Variants in CHCHD3 observed in about 807,000 individuals in gnomAD.
CHCHD3 encodes the protein coiled-coil-helix-coiled-coil-helix domain containing 3.
A neutral mutation model predicts 38.2 loss-of-function variants in CHCHD3; 20 were observed. That is an observed-to-expected ratio of 0.52 (90% CI 0.37 to 0.76). The LOEUF (loss-of-function observed/expected upper bound fraction) is 0.76, where lower values mean the gene tolerates loss of function less well. CHCHD3 is among the 30% of genes least tolerant of loss of function. The pLI, the probability that CHCHD3 is intolerant of heterozygous loss-of-function variation, is 0.00. For missense variants in CHCHD3, 245 were observed against 279.2 expected, an observed-to-expected ratio of 0.88 and a Z score of 0.87; for synonymous variants, 82 against 100.0, an observed-to-expected ratio of 0.82 and a Z score of 1.07.
intron 4 of CHCHD3, among the ~76,000 whole-genome samples, chr7:132,940,178 G>A (rs1323356907): frequency 6.6e-6 from 1 of 152,130 alleles, no homozygotes; most frequent in Non-Finnish European, 1.5e-5. Context: ...AGCACTTAAG[G>A]TTGAAATACT....
intron 2 of CHCHD3, among the ~76,000 whole-genome samples, chr7:133,036,328 T>C: frequency 6.6e-6 from 1 of 152,316 alleles, no homozygotes; most frequent in Non-Finnish European, 1.5e-5. Context: ...ATTAATCTAA[T>C]AAAGCATTAT....
intron 2 of CHCHD3, among the ~76,000 whole-genome samples, chr7:133,027,620 G>A (rs1203339258): frequency 6.6e-6 from 1 of 152,136 alleles, no homozygotes; most frequent in East Asian, 1.9e-4. Context: ...TTTCTCAAAT[G>A]GGTGTTTAGG....
chr7:132,943,046 T>G (rs1244276079), intron 4 of CHCHD3, among the ~76,000 whole-genome samples: 1 of 152,146 alleles, frequency 6.6e-6, no homozygotes, highest in Non-Finnish European at 1.5e-5. Flanking sequence ...AAGATCCTAT[T>G]TTTTGTCTTA....
At chr7:132,939,653 T>C (rs560207538) in intron 4 of CHCHD3, among the ~76,000 whole-genome samples, 1 of 152,316 alleles carries the variant, frequency 6.6e-6, no homozygotes, top group South Asian at 2.1e-4. Flanking sequence ...AGTGACTCTC[T>C]AAACATTAAG....
Position 133,035,335 on chromosome 7 carries a change from T to C in CHCHD3, c.170-10708A>G. 1 of 1,611,364 alleles carries C rather than the reference T, an allele frequency of 6.2e-7. No individual in the cohort carries two copies. Among genetic ancestry groups the C allele is most frequent in the Non-Finnish European group, 8.5e-7 (1 of 1,177,512 alleles). ...AAGACAGCCCGGAACTGGGGCTGGTTAATGCAGGTGAGGAACCAGCGGTTG... is the reference window on the plus strand; with the variant it reads ...AAGACAGCCCGGAACTGGGGCTGGTCAATGCAGGTGAGGAACCAGCGGTTG... On this transcript the variant is annotated intron_variant, in intron 2 of 7. Transcript: ENST00000262570. This position sits in a 1 kb window ranked among gnomAD's most constrained non-coding sequence, Gnocchi z 4.7.
At chr7:132,820,614 T>TG (rs1281275987) in intron 6 of CHCHD3, among the ~76,000 whole-genome samples, 1 of 145,878 alleles carries the variant, frequency 6.9e-6, no homozygotes, top group African/African-American at 2.5e-5. Flanking sequence ...TGCTAGTGTT[T>TG]TTTTTTTTTT....
At chr7:133,024,369 A>T (rs1389059201) in intron 3 of CHCHD3, among the ~76,000 whole-genome samples, 177 bp downstream of exon 3, 2 of 152,224 alleles carry the variant, frequency 1.3e-5, no homozygotes, top group Non-Finnish European at 1.5e-5. Context: ...GAAGCAGGTA[A>T]CCCAAGGCTC....
chr7:132,913,005 T>C (rs1298619876), intron 4 of CHCHD3, among the ~76,000 whole-genome samples: 1 of 152,246 alleles, frequency 6.6e-6, no homozygotes, highest in Non-Finnish European at 1.5e-5. Flanking sequence ...GCAGCCCACA[T>C]GCACTGTGCC....
intron 2 of CHCHD3, among the ~76,000 whole-genome samples, chr7:133,065,144 T>C (rs1198503862): frequency 2.0e-5 from 3 of 152,170 alleles, no homozygotes; most frequent in Non-Finnish European, 4.4e-5. Context: ...ATAGTTGAGA[T>C]AACGCAGCAA....
chr7:132,984,689 G>C (rs1283724583), intron 3 of CHCHD3, among the ~76,000 whole-genome samples: 1 of 151,336 alleles, frequency 6.6e-6, no homozygotes, highest in Non-Finnish European at 1.5e-5. Flanking sequence ...CGTCTGGGAT[G>C]TGAGGAGCGT....
chr7:132,981,578 C>G (rs912461837), intron 3 of CHCHD3, among the ~76,000 whole-genome samples: 1 of 152,130 alleles, frequency 6.6e-6, no homozygotes, highest in Non-Finnish European at 1.5e-5. Flanking sequence ...TTATTACCAC[C>G]CCTTTCCCAA....
chr7:132,934,460 T>C (rs1810588671), intron 4 of CHCHD3, among the ~76,000 whole-genome samples: 1 of 152,198 alleles, frequency 6.6e-6, no homozygotes, highest in South Asian at 2.1e-4. Context: ...TTCTCTATCA[T>C]CTGACCCCAC....
intron 7 of CHCHD3, among the ~76,000 whole-genome samples, chr7:132,793,472 G>A (rs942906963): frequency 2.0e-5 from 3 of 152,184 alleles, no homozygotes; most frequent in Non-Finnish European, 4.4e-5. Context: ...GAGCACATAA[G>A]TTAATACACA....
At chr7:132,962,224 T>C (rs1811337725) in intron 4 of CHCHD3, among the ~76,000 whole-genome samples, 1 of 152,244 alleles carries the variant, frequency 6.6e-6, no homozygotes, top group African/African-American at 2.4e-5. Context: ...AAATGGACTT[T>C]TTTAATAACC....
chr7:132,972,454 CA>C, intron 4 of CHCHD3: 1 of 503,038 alleles, frequency 2.0e-6, no homozygotes, highest in Non-Finnish European at 2.6e-6. Flanking sequence ...AAAATGTTAA[CA>C]GTAACTATCT....
intron 5 of CHCHD3, among the ~76,000 whole-genome samples, chr7:132,874,421 C>A (rs527251457): frequency 6.6e-6 from 1 of 152,254 alleles, no homozygotes; most frequent in East Asian, 1.9e-4. Context: ...GTCACAGAAA[C>A]CTTGAGGCTC....
intron 4 of CHCHD3, among the ~76,000 whole-genome samples, chr7:132,895,171 A>G (rs1809462145): frequency 6.6e-6 from 1 of 152,228 alleles, no homozygotes. Context: ...TGAACAGGTT[A>G]AAGAAATCCA....
chr7:132,913,175 T>C (rs1809999247), intron 4 of CHCHD3, among the ~76,000 whole-genome samples: 1 of 152,196 alleles, frequency 6.6e-6, no homozygotes, highest in Non-Finnish European at 1.5e-5. Context: ...TTCCATTTCC[T>C]CTGCTTCAAC....
rs772593229 is a variant in CHCHD3, at chr7:132,975,205, T to C, written c.333A>G (p.Ile111Met). The C allele has an allele frequency of 1.2e-6, 2 of 1,612,496 alleles. No homozygotes were observed. The highest frequency in any genetic ancestry group is 1.7e-6 in the Non-Finnish European group (2 of 1,180,012). The change falls in exon 4 of 8, where the codon ATA becomes ATG. Residue 111 changes from isoleucine to methionine, a missense_variant. Physicochemically the swap from Ile to Met is conservative, Grantham distance 10. Coordinates refer to ENST00000262570, the MANE Select transcript of CHCHD3 (RefSeq NM_017812.4). ...QLTRAILRERICSEEERAKAK... is the reference protein window; with the variant it reads ...QLTRAILRERMCSEEERAKAK... ...CCTTAGCGCGTTCCTCCTCGCTACA[T>C]ATCCTCTCCCGAAGGATGGCTCTGG...
Sources: allele counts gnomAD v4.1 joint callset (sites outside exome capture counted in the v4.1 genomes callset), GRCh38; gene constraint gnomAD v4.1.1; non-coding constraint Gnocchi (gnomAD v3.1); transcripts MANE v1.5; gene names NCBI Gene and HGNC (gene_info 2026-07-23, HGNC 2026-07-21).